Variants in MCM4 observed in about 807,000 individuals in gnomAD.
The protein encoded by MCM4 is minichromosome maintenance complex component 4.
Under a neutral mutation model 88.7 loss-of-function variants are expected in MCM4, and 60 were observed. That is an observed-to-expected ratio of 0.68 (90% CI 0.55 to 0.84). The LOEUF (loss-of-function observed/expected upper bound fraction) is 0.84, where lower values mean the gene tolerates loss of function less well. Among genes scored for constraint, MCM4 ranks in the 40% least tolerant of loss-of-function variants. The probability of loss-of-function intolerance (pLI) is 0.00; values close to 1 mark genes in which losing one functional copy is unlikely to be tolerated. For synonymous variants in MCM4, 465 were observed against 410.5 expected (o/e 1.13, Z -1.61); for missense variants, 1,149 against 1,105.5 (o/e 1.04, Z -0.56).
At position 47,962,821 on chromosome 8, in the gene MCM4, G is replaced by C. The variant is rs781108293; in HGVS notation, c.559G>C (p.Asp187His). ...LAKEEENVGI[D>H]ITEPLYMQRL... ...TAAAGAAGAAGAAAATGTTGGCATA[G>C]ATATTACTGAACCTCTATACATGCA... The change falls in exon 6 of 17, where the codon GAT (aspartate) becomes CAT (histidine). Residue 187 changes from aspartate (D) to histidine (H), a missense_variant. Asp to His is a moderately conservative substitution (Grantham distance 81). This residue lies in a region of MCM4 where 906 missense variants were observed against 843.0 expected (regional missense o/e 1.07). Transcript: ENST00000649973. 6.2e-7 allele frequency: 1 copy of C among 1,609,042 alleles called. No homozygotes were observed. The highest frequency in any genetic ancestry group is 1.3e-5 in the African/African-American group (1 of 74,588).
intron 10 of MCM4, chr8:47,969,371 G>C (rs2090929809): frequency 5.9e-6 from 1 of 168,754 alleles, no homozygotes; most frequent in African/African-American, 2.4e-5. Context: ...CCATTCTCCT[G>C]CCTCAGCCTC....
intron 16 of MCM4, 126 bp from the exon 17 acceptor site, chr8:47,976,560 C>CATGT: frequency 1.6e-6 from 1 of 614,234 alleles, no homozygotes; most frequent in Non-Finnish European, 2.9e-6. Context: ...GAGCATAAGG[C>CATGT]ATGTGTACAG....
Position 47,962,169 on chromosome 8 carries a change from C to G in MCM4, c.352C>G (p.Leu118Val). ...CACACCTGTGAGACAGAGGCCTGACCTGGGCTCTGCACAGAAGGGCCTGCA... is the reference window on the plus strand; with the variant it reads ...CACACCTGTGAGACAGAGGCCTGACGTGGGCTCTGCACAGAAGGGCCTGCA... ...RGTPVRQRPD[L>V]GSAQKGLQVD... is the part of the protein sequence containing the mutation. The change falls in exon 4 of 17, where the codon CTG becomes GTG. Residue 118 changes from leucine (L) to valine (V), a missense_variant. This residue lies in a region of MCM4 where 906 missense variants were observed against 843.0 expected (regional missense o/e 1.07). Transcript: ENST00000649973. 1 of 1,614,216 alleles carries G rather than the reference C, an allele frequency of 6.2e-7. No homozygotes were observed. The highest frequency in any genetic ancestry group is 8.5e-7 in the Non-Finnish European group (1 of 1,180,042).
At chr8:47,961,408 T>TGTTTG (rs2090830863) in intron 2 of MCM4, 108 bp from the exon 3 acceptor site, 1 of 1,591,238 alleles carries the variant, frequency 6.3e-7, no homozygotes, top group African/African-American at 1.3e-5. Flanking sequence ...CATTTGCCTC[T>TGTTTG]GTTTGGTTTG....
chr8:47,966,331 G>A lies in MCM4; in HGVS notation c.977G>A (p.Ser326Asn). 1.2e-6 allele frequency: 2 copies of A among 1,613,954 alleles called. No individual in the cohort carries two copies. The highest frequency in any genetic ancestry group is 1.7e-6 in the Non-Finnish European group (2 of 1,180,042). The change falls in exon 9 of 17, where the codon AGT (serine) becomes AAT (asparagine). Residue 326 changes from serine (S) to asparagine (N), a missense_variant. Around this residue, in one of 3 missense-constraint regions of MCM4, gnomAD observed 906 missense variants for 843.0 expected, o/e 1.07. Transcript: ENST00000649973. Reference protein sequence around the residue: ...EMDRGRIAEPSVCGRCHTTHS... With the variant: ...EMDRGRIAEPNVCGRCHTTHS... ...GACCGCGGCCGCATTGCAGAGCCCA[G>A]TGTGTGCGGGCGCTGCCACACCACC...
chr8:47,962,347 C>A lies in MCM4; in HGVS notation c.442C>A (p.Gln148Lys). The change falls in exon 5 of 17, where the codon CAA (glutamine) becomes AAA (lysine). Residue 148 changes from glutamine (Q) to lysine (K), a missense_variant. Physicochemically the swap from Gln to Lys is moderately conservative, Grantham distance 53. Around this residue, in one of 3 missense-constraint regions of MCM4, gnomAD observed 906 missense variants for 843.0 expected, o/e 1.07. Transcript: ENST00000649973. The part of the protein sequence containing the change: ...DIVASEQSLG[Q>K]KLVIWGTDVN... The stretch of plus-strand genomic sequence containing the variant: ...AGTGGCAAGTGAGCAGTCTCTAGGC[C>A]AAAAACTTGTGATCTGGGGAACAGA... 6.2e-7 allele frequency: 1 copy of A among 1,614,194 alleles called. No individual in the cohort carries two copies. The highest frequency in any genetic ancestry group is 8.5e-7 in the Non-Finnish European group (1 of 1,180,034).
chr8:47,964,758 T>C (rs781689964), intron 8 of MCM4, 46 bp downstream of exon 8: 6 of 1,462,144 alleles, frequency 4.1e-6, no homozygotes, highest in Non-Finnish European at 5.5e-6. Flanking sequence ...GAAAATGCCT[T>C]ACATGAAAAT....
At chr8:47,970,926 C>T (rs1387784424) in intron 12 of MCM4, 50 bp downstream of exon 12, 12 of 1,531,906 alleles carry the variant, frequency 7.8e-6, no homozygotes, top group Non-Finnish European at 1.1e-5. Flanking sequence ...AATATGTGGA[C>T]CCTTGAAAGA....
rs1299115919 is a variant in MCM4, at chr8:47,977,499, T to G, written c.*721T>G. On this transcript the variant is annotated 3_prime_UTR_variant, in exon 17 of 17. Transcript: ENST00000649973. ...TGGTAAAGGGCTAGAGCCTTTCTTT[T>G]TTATGGCACTTCTTTTTTTGAGATA... 1 of 152,344 alleles carries G rather than the reference T, an allele frequency of 6.6e-6. No homozygotes were observed. The highest frequency in any genetic ancestry group is 1.5e-5 in the Non-Finnish European group (1 of 68,150). 9.4% of individuals were successfully genotyped at this position (152,344 alleles called of 1,614,324 possible).
chr8:47,969,980 T>C lies in MCM4; in HGVS notation c.1357T>C (p.Ser453Pro), dbSNP rs775118487. 3 of 1,614,112 alleles carry C rather than the reference T, an allele frequency of 1.9e-6. No individual in the cohort carries two copies. The highest frequency in any genetic ancestry group is 1.7e-6 in the Non-Finnish European group (2 of 1,180,046). ...EKRVELLKELSRKPDIYERLA... is the reference protein window; with the variant it reads ...EKRVELLKELPRKPDIYERLA... Reference sequence around the variant, plus strand: ...ACGTGTGGAATTGCTTAAGGAACTTTCCAGGAAACCAGACATTTATGAGAG... The same window carrying C: ...ACGTGTGGAATTGCTTAAGGAACTTCCCAGGAAACCAGACATTTATGAGAG... Residue 453 changes from serine (S) to proline (P), a missense_variant, in exon 11 of 17, where the codon TCC becomes CCC. Around this residue, in one of 3 missense-constraint regions of MCM4, gnomAD observed 906 missense variants for 843.0 expected, o/e 1.07. Transcript: ENST00000649973.
Position 47,962,932 on chromosome 8 carries a change from TTTTA to T in MCM4, c.598-9_598-6del. On this transcript the variant is annotated splice_polypyrimidine_tract_variant and intron_variant, in intron 6 of 16. Transcript: ENST00000649973. The stretch of plus-strand genomic sequence containing the variant: ...AATTAGCAAAATATAACTTGTTCAT[TTTTA>T]TTTTCTAGATTAATGTTATTGGTGA... 2 of 1,580,886 alleles carry T rather than the reference TTTTA, an allele frequency of 1.3e-6. No individual in the cohort carries two copies. Among genetic ancestry groups the T allele is most frequent in the Non-Finnish European group, 8.6e-7 (1 of 1,163,126 alleles).
chr8:47,971,748 A>G (rs992397157), intron 13 of MCM4, among the ~76,000 whole-genome samples: 30 of 152,238 alleles, frequency 2.0e-4, no homozygotes, highest in Admixed American at 5.9e-4. Flanking sequence ...ACAATTCCGT[A>G]CAGTAGATGA....
At position 47,970,711 on chromosome 8, in the gene MCM4, G is replaced by A. The variant is rs374108311; in HGVS notation, c.1635G>A (p.Ala545=). ...GCTCCAGTGCAGTTGGCCTCACTGC[G>A]TACGTAATGAAAGACCCTGAGACAA... ...GKGSSAVGLT[A]YVMKDPETRQ... Residue 545 remains alanine, a synonymous_variant, in exon 12 of 17, where the codon GCG becomes GCA. Transcript: ENST00000649973. 1.8e-5 allele frequency: 29 copies of A among 1,614,068 alleles called. No individual in the cohort carries two copies. Among genetic ancestry groups the A allele is most frequent in the African/African-American group, 1.3e-4 (10 of 74,924 alleles).
chr8:47,964,480 T>G (rs188117941), intron 7 of MCM4, 94 bp from the exon 8 acceptor site: 2 of 913,318 alleles, frequency 2.2e-6, no homozygotes, highest in African/African-American at 3.3e-5. Flanking sequence ...GGACATGACA[T>G]GTTGTCTTTT....
chr8:47,972,843 C>T lies in MCM4; in HGVS notation c.1929-14C>T, dbSNP rs747711868. On this transcript the variant is annotated splice_polypyrimidine_tract_variant and intron_variant, in intron 13 of 16. Coordinates refer to ENST00000649973, the MANE Select transcript of MCM4 (RefSeq NM_182746.3). Reference sequence around the variant, plus strand: ...AGGTGCTGGAAAAACAGTATTTTTACTTTGTTTTCTTAGGTTTGATTTGAT... The same window carrying T: ...AGGTGCTGGAAAAACAGTATTTTTATTTTGTTTTCTTAGGTTTGATTTGAT... 6 of 1,610,602 alleles carry T rather than the reference C, an allele frequency of 3.7e-6. No individual in the cohort carries two copies. The South Asian group carries it at 6.6e-5, about 18-fold the overall frequency.
chr8:47,962,967 T>C lies in MCM4; in HGVS notation c.620T>C (p.Phe207Ser), dbSNP rs1446538122. 1.2e-6 allele frequency: 2 copies of C among 1,604,296 alleles called. No homozygotes were observed. The highest frequency in any genetic ancestry group is 3.5e-5 in the Admixed American group (2 of 57,884). ...TAGATTAATGTTATTGGTGAGCCATTTTTAAATGTGAACTGTGAACACATC... is the reference window on the plus strand; with the variant it reads ...TAGATTAATGTTATTGGTGAGCCATCTTTAAATGTGAACTGTGAACACATC... ...LGEINVIGEPFLNVNCEHIKS... is the reference protein window; with the variant it reads ...LGEINVIGEPSLNVNCEHIKS... Residue 207 changes from phenylalanine (F) to serine (S), a missense_variant, in exon 7 of 17, where the codon TTT (phenylalanine) becomes TCT (serine). Phe to Ser is a radical substitution (Grantham distance 155). Transcript: ENST00000649973.
intron 14 of MCM4, 73 bp from the exon 15 acceptor site, chr8:47,974,661 C>A: frequency 8.1e-7 from 1 of 1,231,362 alleles, no homozygotes; most frequent in East Asian, 2.3e-5. Context: ...CCTAAGTGTT[C>A]AAAATTCACC....
chr8:47,967,255 T>A, intron 9 of MCM4, 110 bp from the exon 10 acceptor site: 1 of 1,110,470 alleles, frequency 9.0e-7, no homozygotes. Flanking sequence ...ATCATTTATG[T>A]GGGGATATGC....
chr8:47,962,889 C>A, intron 6 of MCM4, 30 bp downstream of exon 6: 10 of 1,573,834 alleles, frequency 6.4e-6, no homozygotes, highest in Non-Finnish European at 8.7e-6. Flanking sequence ...ATTCAAGTTA[C>A]GTGTTTTAAA....
Sources: gnomAD v4.1 joint callset for allele counts (sites outside exome capture counted in the v4.1 genomes callset) on GRCh38, gnomAD v4.1.1 for gene constraint, gnomAD v4.1.1 regional missense constraint, MANE v1.5 for transcripts, NCBI Gene and HGNC (gene_info 2026-07-23, HGNC 2026-07-21) for gene names.